Variants in CSMD1 observed in about 807,000 individuals in gnomAD.
CSMD1 encodes CUB and sushi domain-containing protein 1.
In CSMD1, 213 loss-of-function variants were observed where a neutral mutation model predicts 417.5. That is an observed-to-expected ratio of 0.51 (90% CI 0.46 to 0.57). CSMD1 has a LOEUF of 0.57. Among genes scored for constraint, CSMD1 ranks in the 20% least tolerant of loss-of-function variants. The pLI, the probability that CSMD1 is intolerant of heterozygous loss-of-function variation, is 0.00. For synonymous variants in CSMD1, 2,862 were observed against 1,736.8 expected, an observed-to-expected ratio of 1.65 and a Z score of -16.11; for missense variants, 6,923 against 4,529.7, an observed-to-expected ratio of 1.53 and a Z score of -15.17.
intron 2 of CSMD1, among the ~76,000 whole-genome samples, chr8:4,603,097 T>G (rs1324648361): frequency 2.0e-5 from 3 of 151,944 alleles, no homozygotes; most frequent in Non-Finnish European, 4.4e-5. Context: ...GAATAAAAAT[T>G]ATATGATGAG....
intron 8 of CSMD1, among the ~76,000 whole-genome samples, chr8:3,615,552 T>G (rs956167072): frequency 6.6e-6 from 1 of 152,228 alleles, no homozygotes; most frequent in African/African-American, 2.4e-5. Context: ...CATCTATACT[T>G]TGTATGCTTT....
At chr8:4,879,605 G>T (rs1035302628) in intron 1 of CSMD1, among the ~76,000 whole-genome samples, 1 of 151,988 alleles carries the variant, frequency 6.6e-6, no homozygotes, top group African/African-American at 2.4e-5. Flanking sequence ...TAAGGAGACT[G>T]TAGTTACAGA....
chr8:4,783,896 C>T (rs550021324), intron 1 of CSMD1, among the ~76,000 whole-genome samples: 2 of 152,276 alleles, frequency 1.3e-5, no homozygotes, highest in East Asian at 1.9e-4. Context: ...GACATATTTC[C>T]ACACACTGAA....
intron 1 of CSMD1, among the ~76,000 whole-genome samples, chr8:4,664,356 T>C (rs1014493644): frequency 2.6e-5 from 4 of 152,114 alleles, no homozygotes; most frequent in Non-Finnish European, 5.9e-5. Context: ...GCTCAGGAGT[T>C]CTAGACCAGC....
In CSMD1 at chr8:4,745,631, G is replaced by C. The variant is rs149887961; in HGVS notation, c.86-108073C>G. The stretch of plus-strand genomic sequence containing the variant: ...GAGGGAGAAGTAGAATGTAGAGAGA[G>C]AGTAGAGAGAAGTAGAAATAAAAGA... On this transcript the variant is annotated intron_variant, in intron 1 of 69. Coordinates refer to ENST00000635120, the MANE Select transcript of CSMD1 (RefSeq NM_033225.6). Among the ~76,000 whole-genome samples, 375 of 152,316 alleles carry C rather than the reference G, an allele frequency of 2.5e-3. 6 individuals are homozygous for C. In the South Asian group the frequency reaches 0.037, roughly 15 times the overall value.
chr8:2,947,411 A>G (rs1375997766), intron 68 of CSMD1, among the ~76,000 whole-genome samples: 1 of 152,232 alleles, frequency 6.6e-6, no homozygotes, highest in Non-Finnish European at 1.5e-5. Context: ...TTACGTAAAC[A>G]CAAACTTTTC....
At chr8:3,815,433 C>T (rs1947909) in intron 5 of CSMD1, among the ~76,000 whole-genome samples, 37,073 of 151,972 alleles carry the variant, frequency 0.24, 5,206 homozygotes, top group Non-Finnish European at 0.32. Context: ...TAGTATAATA[C>T]ACTGACAGAT....
intron 5 of CSMD1, among the ~76,000 whole-genome samples, chr8:3,968,264 G>A (rs1015741615): frequency 2.6e-5 from 4 of 151,976 alleles, no homozygotes; most frequent in African/African-American, 9.7e-5. Flanking sequence ...TTGTTTTCCA[G>A]GTATAGGTAG....
intron 2 of CSMD1, among the ~76,000 whole-genome samples, chr8:4,492,315 C>A (rs1801745953): frequency 6.6e-6 from 1 of 152,134 alleles, no homozygotes; most frequent in South Asian, 2.1e-4. Context: ...GTCTCAAACT[C>A]CTCGCCTCAG....
At chr8:4,381,247 C>G (rs1803082179) in intron 3 of CSMD1, among the ~76,000 whole-genome samples, 1 of 152,114 alleles carries the variant, frequency 6.6e-6, no homozygotes, top group Admixed American at 6.6e-5. Flanking sequence ...AGGGGAGCAT[C>G]TGAGTGAGGA....
At chr8:4,684,092 G>A (rs560802165) in intron 1 of CSMD1, among the ~76,000 whole-genome samples, 1 of 152,052 alleles carries the variant, frequency 6.6e-6, no homozygotes, top group Non-Finnish European at 1.5e-5. Context: ...AGGGAATTTT[G>A]TACAAGTGAA....
chr8:4,023,361 A>G (rs922524227), intron 4 of CSMD1, among the ~76,000 whole-genome samples: 3 of 152,208 alleles, frequency 2.0e-5, no homozygotes, highest in African/African-American at 7.2e-5. Context: ...TGAAACAAGC[A>G]GAACAACAAT....
intron 5 of CSMD1, among the ~76,000 whole-genome samples, chr8:3,936,509 C>G (rs886910485): frequency 6.6e-6 from 1 of 152,148 alleles, no homozygotes; most frequent in Non-Finnish European, 1.5e-5. Context: ...TCCCAGGATC[C>G]TTAAGAATTC....
intron 3 of CSMD1, among the ~76,000 whole-genome samples, chr8:4,073,899 A>G (rs934173186): frequency 1.3e-5 from 2 of 152,106 alleles, no homozygotes; most frequent in African/African-American, 4.8e-5. Flanking sequence ...AGCTATACAA[A>G]TATTTCAAGT....
At chr8:4,221,182 C>A (rs1446607787) in intron 3 of CSMD1, among the ~76,000 whole-genome samples, 2 of 152,180 alleles carry the variant, frequency 1.3e-5, no homozygotes, top group Non-Finnish European at 2.9e-5. Flanking sequence ...TTCTGCATTT[C>A]AATCTGGCTT....
At chr8:3,256,263 G>A (rs1800644292) in intron 26 of CSMD1, among the ~76,000 whole-genome samples, 1 of 146,064 alleles carries the variant, frequency 6.8e-6, no homozygotes, top group African/African-American at 2.5e-5. Flanking sequence ...GGAGGCAGAG[G>A]TTTCAGTGGG....
chr8:4,480,938 G>C (rs1241630729), intron 2 of CSMD1, among the ~76,000 whole-genome samples: 4 of 152,128 alleles, frequency 2.6e-5, no homozygotes. Flanking sequence ...ACTGGCCCTA[G>C]AAATCTACCT....
intron 18 of CSMD1, among the ~76,000 whole-genome samples, chr8:3,380,525 G>A (rs1585079352): frequency 6.6e-6 from 1 of 152,204 alleles, no homozygotes; most frequent in East Asian, 1.9e-4. Flanking sequence ...TAAAGACAAT[G>A]TGGCACATAT....
chr8:3,540,725 A>G (rs1365664609), intron 10 of CSMD1, among the ~76,000 whole-genome samples: 1 of 152,210 alleles, frequency 6.6e-6, no homozygotes, highest in African/African-American at 2.4e-5. Context: ...TGAGCAAAAG[A>G]CATGAACAGA....
Sources: allele counts gnomAD v4.1 joint callset (sites outside exome capture counted in the v4.1 genomes callset), GRCh38; gene constraint gnomAD v4.1.1; transcripts MANE v1.5; gene names NCBI Gene and HGNC (gene_info 2026-07-23, HGNC 2026-07-21).